Variants in PICALM observed in about 807,000 individuals in gnomAD.
PICALM encodes the protein phosphatidylinositol binding clathrin assembly protein.
In PICALM, 40 loss-of-function variants were observed where a neutral mutation model predicts 80.5. That is an observed-to-expected ratio of 0.50 (90% CI 0.39 to 0.65). The LOEUF is 0.65. Ranked by LOEUF, PICALM falls within the 30% of genes least tolerant of loss-of-function variation. The probability of loss-of-function intolerance (pLI) is 0.00; values close to 1 mark genes in which losing one functional copy is unlikely to be tolerated. For synonymous variants in PICALM, 288 were observed against 260.3 expected (o/e 1.11, Z -1.02); for missense variants, 676 against 778.9 (o/e 0.87, Z 1.57).
chr11:86,011,308 G>C (rs745816898), intron 6 of PICALM, among the ~76,000 whole-genome samples, 172 bp from the exon 7 acceptor site: 2 of 152,102 alleles, frequency 1.3e-5, no homozygotes, highest in African/African-American at 4.8e-5. Context: ...TAGAATAGAG[G>C]TGCTATTATA....
chr11:86,048,837 CAAAAAAA>C (rs36076234), intron 1 of PICALM, among the ~76,000 whole-genome samples: 3 of 102,046 alleles, frequency 2.9e-5, no homozygotes, highest in African/African-American at 3.9e-5. Flanking sequence ...AACTCCGTCT[CAAAAAAA>C]AAAAAAAAAA....
At chr11:86,050,391 A>T (rs992466004) in intron 1 of PICALM, among the ~76,000 whole-genome samples, 1 of 152,184 alleles carries the variant, frequency 6.6e-6, no homozygotes, top group Non-Finnish European at 1.5e-5. Context: ...GGTACACAAA[A>T]GTTTATAAGC....
chr11:85,981,246 T>C lies in PICALM; in HGVS notation c.1680-18A>G, dbSNP rs763896548. The stretch of plus-strand genomic sequence containing the variant: ...TTACATCACTTTAAATAAACATAAG[T>C]GAGAATATTAAATGTCTCTAATTAT... On this transcript the variant is annotated intron_variant, in intron 16 of 19. Coordinates refer to ENST00000393346, the MANE Select transcript of PICALM (RefSeq NM_007166.4). 2 of 1,266,940 alleles carry C rather than the reference T, an allele frequency of 1.6e-6. No individual in the cohort carries two copies. Among genetic ancestry groups the C allele is most frequent in the East Asian group, 4.6e-5 (2 of 43,314 alleles). 78.5% of individuals were successfully genotyped at this position (1,266,940 alleles called of 1,614,324 possible). A position where few individuals can be genotyped will look rare whatever the true frequency, so the allele number is the denominator to read the frequency against.
intron 3 of PICALM, among the ~76,000 whole-genome samples, chr11:86,022,754 C>G (rs1321955878): frequency 6.8e-6 from 1 of 148,118 alleles, no homozygotes; most frequent in Non-Finnish European, 1.5e-5. Flanking sequence ...ATTCTTTATT[C>G]ATCAGGAATT....
rs914954795 is a variant in PICALM at position 86,007,394 on chromosome 11, A to C, written c.807+148T>G. The C allele has an allele frequency of 1.3e-5, 7 of 541,016 alleles. No individual in the cohort carries two copies. The African/African-American group carries it at 1.4e-4, about 11-fold the overall frequency. 33.5% of individuals were successfully genotyped at this position (541,016 alleles called of 1,614,324 possible). On this transcript the variant is annotated intron_variant, in intron 8 of 19. Transcript: ENST00000393346. ...CATTTTACGTGGTCATAGTGTTAGAACAATCTTCAGGAATACATCAAAATG... is the reference window on the plus strand; with the variant it reads ...CATTTTACGTGGTCATAGTGTTAGACCAATCTTCAGGAATACATCAAAATG...
chr11:86,036,539 C>T (rs10898431), intron 1 of PICALM, among the ~76,000 whole-genome samples: 42,069 of 151,944 alleles, frequency 0.28, 6,718 homozygotes, highest in African/African-American at 0.42. Context: ...GAATATGGAA[C>T]GCTGAGTACA....
At chr11:86,056,582 A>C (rs1472800375) in intron 1 of PICALM, among the ~76,000 whole-genome samples, 1 of 152,216 alleles carries the variant, frequency 6.6e-6, no homozygotes, top group African/African-American at 2.4e-5. Context: ...ATGGGAATGT[A>C]AAACAGTGTC....
At chr11:86,000,810 C>A in intron 10 of PICALM, 31 bp from the exon 11 acceptor site, 1 of 1,595,590 alleles carries the variant, frequency 6.3e-7, no homozygotes, top group South Asian at 1.1e-5. Flanking sequence ...CATAAGGATT[C>A]CAGAAACCAG....
chr11:85,967,036 G>C (rs1232155370), intron 19 of PICALM, among the ~76,000 whole-genome samples: 1 of 152,166 alleles, frequency 6.6e-6, no homozygotes, highest in Non-Finnish European at 1.5e-5. Context: ...CTTTGTTACA[G>C]CAGTCCTAGG....
intron 12 of PICALM, among the ~76,000 whole-genome samples, chr11:85,991,806 T>C (rs2094788254): frequency 6.6e-6 from 1 of 152,096 alleles, no homozygotes; most frequent in Non-Finnish European, 1.5e-5. Context: ...AAATAGAAAC[T>C]AGAAAATAGT....
chr11:85,976,596 A>G, intron 18 of PICALM, 27 bp downstream of exon 18: 1 of 1,452,550 alleles, frequency 6.9e-7, no homozygotes, highest in Non-Finnish European at 9.7e-7. Context: ...TATTTTTTCC[A>G]AAAGCTGTAC....
chr11:86,056,134 T>TAAA (rs376759395), intron 1 of PICALM, among the ~76,000 whole-genome samples: 8 of 76,852 alleles, frequency 1.0e-4, no homozygotes, highest in Admixed American at 1.6e-4. Flanking sequence ...GACTCTGTCT[T>TAAA]TAAAAAAAAA....
intron 10 of PICALM, 60 bp from the exon 11 acceptor site, chr11:86,000,839 T>C: frequency 6.4e-7 from 1 of 1,561,914 alleles, no homozygotes; most frequent in South Asian, 1.2e-5. Flanking sequence ...GTACAGCCTC[T>C]GAAAAAAGCA....
chr11:85,964,594 A>G (rs555321533), intron 19 of PICALM, among the ~76,000 whole-genome samples: 69 of 152,266 alleles, frequency 4.5e-4, no homozygotes, highest in African/African-American at 1.7e-3. Context: ...CTTCCCTACT[A>G]CCTACCATCA....
At chr11:86,015,284 A>C (rs2095463159) in intron 4 of PICALM, among the ~76,000 whole-genome samples, 1 of 152,220 alleles carries the variant, frequency 6.6e-6, no homozygotes, top group Non-Finnish European at 1.5e-5. Context: ...TGATCCTCAC[A>C]ATCATTGGTG....
At chr11:85,987,069 G>C (rs1331358787) in intron 13 of PICALM, among the ~76,000 whole-genome samples, 1 of 152,216 alleles carries the variant, frequency 6.6e-6, no homozygotes, top group Non-Finnish European at 1.5e-5. Context: ...TGGGTGGATT[G>C]TTAATTGATT....
At chr11:86,059,815 T>C (rs1324000621) in intron 1 of PICALM, among the ~76,000 whole-genome samples, 1 of 152,106 alleles carries the variant, frequency 6.6e-6, no homozygotes, top group East Asian at 1.9e-4. Flanking sequence ...CAAGAACTTT[T>C]GGCACAATTG....
chr11:85,963,254 T>C (rs2093750523), intron 19 of PICALM, among the ~76,000 whole-genome samples: 1 of 152,122 alleles, frequency 6.6e-6, no homozygotes. Context: ...TCATCAAATT[T>C]TACAAGAGAG....
At chr11:86,009,027 G>A (rs1244832351) in intron 7 of PICALM, among the ~76,000 whole-genome samples, 1 of 151,564 alleles carries the variant, frequency 6.6e-6, no homozygotes, top group Non-Finnish European at 1.5e-5. Flanking sequence ...GGAGCAGGCT[G>A]GGTGTGGTGG....
Sources: allele counts gnomAD v4.1 joint callset (sites outside exome capture counted in the v4.1 genomes callset), GRCh38; gene constraint gnomAD v4.1.1; transcripts MANE v1.5; gene names NCBI Gene and HGNC (gene_info 2026-07-23, HGNC 2026-07-21).